The following MCUB variants were observed in gnomAD, a reference collection of about 807,000 sequenced individuals.
MCUB encodes calcium uniporter regulatory subunit MCUb, mitochondrial.
MCUB carries 46 observed loss-of-function variants against 41.4 expected under a neutral mutation model. The observed-to-expected ratio is 1.11, with a 90% confidence interval of 0.88 to 1.42. The LOEUF (loss-of-function observed/expected upper bound fraction) is 1.42. Among genes scored for constraint, MCUB ranks in the 40% most tolerant of loss-of-function variants. The pLI is 0.00. For missense variants in MCUB, 403 were observed against 404.9 expected (o/e 1.00, Z 0.04); for synonymous variants, 148 against 148.2 (o/e 1.00, Z 0.01).
At chr4:109,602,082 G>A (rs1023455906) in intron 1 of MCUB, among the ~76,000 whole-genome samples, 1 of 152,092 alleles carries the variant, frequency 6.6e-6, no homozygotes, top group Non-Finnish European at 1.5e-5. Context: ...TTTTCTCATA[G>A]AGTTGTTTGA....
intron 1 of MCUB, among the ~76,000 whole-genome samples, chr4:109,619,662 G>A (rs980449817): frequency 1.2e-4 from 19 of 152,118 alleles, no homozygotes; most frequent in African/African-American, 3.4e-4. Context: ...AGCTAAGATC[G>A]CACCACTGCA....
At chr4:109,604,247 C>T (rs959974033) in intron 1 of MCUB, among the ~76,000 whole-genome samples, 11 of 151,264 alleles carry the variant, frequency 7.3e-5, no homozygotes, top group South Asian at 4.2e-4. Flanking sequence ...ACAAACACTG[C>T]GGAAGGCCGC....
intron 1 of MCUB, among the ~76,000 whole-genome samples, chr4:109,637,320 G>A (rs76573100): frequency 0.011 from 1,706 of 152,338 alleles, 41 homozygotes; most frequent in African/African-American, 0.038. Context: ...AAGTTTGAAA[G>A]AGGCTAGTCA....
At chr4:109,622,965 C>T (rs558775129) in intron 1 of MCUB, among the ~76,000 whole-genome samples, 46 of 152,296 alleles carry the variant, frequency 3.0e-4, no homozygotes, top group African/African-American at 9.1e-4. Flanking sequence ...CATTGTGTTT[C>T]GCGCTTTTGC....
intron 1 of MCUB, among the ~76,000 whole-genome samples, chr4:109,583,289 A>C (rs1219477308): frequency 6.6e-6 from 1 of 152,120 alleles, no homozygotes; most frequent in African/African-American, 2.4e-5. Flanking sequence ...ATCCCATGTA[A>C]GTTGGATTCC....
intron 7 of MCUB, among the ~76,000 whole-genome samples, chr4:109,686,765 A>C (rs1220868365): frequency 6.6e-6 from 1 of 152,204 alleles, no homozygotes; most frequent in Non-Finnish European, 1.5e-5. Context: ...AGCCCTAGCT[A>C]CTTGGGAAGC....
chr4:109,608,484 A>AGGTTT (rs1436992629), intron 1 of MCUB, among the ~76,000 whole-genome samples: 2 of 134,674 alleles, frequency 1.5e-5, no homozygotes, highest in Middle Eastern at 3.7e-3. Flanking sequence ...TTGAAAAGTT[A>AGGTTT]GGTTTTGTTT....
chr4:109,576,518 CTTTT>C (rs34834019), intron 1 of MCUB, among the ~76,000 whole-genome samples: 8 of 131,742 alleles, frequency 6.1e-5, no homozygotes, highest in Non-Finnish European at 8.0e-5. Flanking sequence ...TAACATTTGC[CTTTT>C]TTTTTTTTTT....
chr4:109,648,694 ATT>A (rs34522361), intron 1 of MCUB: 5,446 of 234,470 alleles, frequency 0.023, no homozygotes, highest in Middle Eastern at 0.04. Context: ...TAGCAGTTTG[ATT>A]TTTTTTTTTT....
rs542643195 is a variant in MCUB at position 109,569,801 on chromosome 4, C to A, written c.99+9365C>A. On this transcript the variant is annotated intron_variant, in intron 1 of 7. Transcript: ENST00000394650. ...TACAGGTGTGAGCCACCGCTCCTGG[C>A]CAGGTCTCTGTGTTACAGCAGCTCT... 3.9e-5 allele frequency among the ~76,000 whole-genome samples: 6 copies of A among 152,256 alleles called. No homozygotes were observed. In the South Asian group the frequency reaches 1.2e-3, roughly 32 times the overall value.
chr4:109,565,510 A>G (rs1016629190), intron 1 of MCUB, among the ~76,000 whole-genome samples: 4 of 152,236 alleles, frequency 2.6e-5, no homozygotes, highest in Non-Finnish European at 4.4e-5. Flanking sequence ...GAAGGTTCCT[A>G]TGCCACAAAG....
intron 1 of MCUB, among the ~76,000 whole-genome samples, chr4:109,620,919 G>A (rs1419881691): frequency 1.3e-5 from 2 of 149,490 alleles, no homozygotes; most frequent in Non-Finnish European, 3.0e-5. Flanking sequence ...TTTCCCCCAA[G>A]ATGGAGTCTC....
At chr4:109,637,952 A>G (rs1728631323) in intron 1 of MCUB, among the ~76,000 whole-genome samples, 1 of 152,246 alleles carries the variant, frequency 6.6e-6, no homozygotes, top group African/African-American at 2.4e-5. Flanking sequence ...GGCATACCTC[A>G]GAGATATTGC....
rs755958779 is a variant in MCUB at position 109,684,603 on chromosome 4, C to T, written c.773C>T (p.Ala258Val). 3 of 1,593,824 alleles carry T rather than the reference C, an allele frequency of 1.9e-6. No individual in the cohort carries two copies. The highest frequency in any genetic ancestry group is 1.7e-4 in the Middle Eastern group (1 of 5,930). ...MEPVTYFITF[A>V]NSMVFFAYFI... ...CCAGTTACATACTTCATCACATTTG[C>T]AAATTCTATGGTCTTTTTTGCATAC... Residue 258 changes from alanine to valine, a missense_variant, in exon 6 of 8, where the codon GCA becomes GTA. Ala to Val is a moderately conservative substitution (Grantham distance 64). Transcript: ENST00000394650.
intron 1 of MCUB, among the ~76,000 whole-genome samples, chr4:109,567,882 A>G (rs144347910): frequency 0.018 from 2,686 of 152,112 alleles, 90 homozygotes; most frequent in African/African-American, 0.062. Flanking sequence ...TATTTTTAGT[A>G]GAGACAGGGT....
At position 109,659,020 on chromosome 4, in the gene MCUB, G is replaced by T. The variant is rs761602665; in HGVS notation, c.109G>T (p.Val37Leu). ...TTTTTCCTTCTTGTAGGTTTTGCGT[G>T]TGAAGCTGTGTGGAAATGTGAAATA... ...PLPPPPQVLRVKLCGNVKYYQ... is the reference protein window; with the variant it reads ...PLPPPPQVLRLKLCGNVKYYQ... The change falls in exon 2 of 8, where the codon GTG becomes TTG. Residue 37 changes from valine to leucine, a missense_variant. Physicochemically the swap from Val to Leu is conservative, Grantham distance 32. Coordinates refer to ENST00000394650, the MANE Select transcript of MCUB (RefSeq NM_017918.5). 3.9e-6 allele frequency: 6 copies of T among 1,533,250 alleles called. No homozygotes were observed. The highest frequency in any genetic ancestry group is 3.5e-6 in the Non-Finnish European group (4 of 1,130,532). The allele number at this position is 1,533,250 out of a possible 1,614,324, so 95.0% of individuals were successfully genotyped here.
At chr4:109,633,633 A>G (rs1413915968) in intron 1 of MCUB, among the ~76,000 whole-genome samples, 10 of 152,196 alleles carry the variant, frequency 6.6e-5, no homozygotes, top group Non-Finnish European at 1.5e-4. Context: ...GAATAAATGT[A>G]AAGCATTTTA....
Position 109,684,442 on chromosome 4 carries a change from G to A in MCUB, c.613-1G>A, listed in dbSNP as rs1326861580. ...ATTAACAGTTTTTCATTCCCCCTCA[G>A]GTGAAAGCTGGAATAGAAGCTCATT... On this transcript the variant is annotated splice_acceptor_variant, in intron 5 of 7. Transcript: ENST00000394650. LOFTEE classifies it high-confidence loss of function. 1 of 1,606,440 alleles carries A rather than the reference G, an allele frequency of 6.2e-7. No homozygotes were observed.
chr4:109,658,067 ATCC>A (rs1379113918), intron 1 of MCUB, among the ~76,000 whole-genome samples: 1 of 152,174 alleles, frequency 6.6e-6, no homozygotes, highest in Non-Finnish European at 1.5e-5. Context: ...AGCTCAAGCA[ATCC>A]TCCTGCTTCG....
Sources: gnomAD v4.1 joint callset for allele counts (sites outside exome capture counted in the v4.1 genomes callset) on GRCh38, gnomAD v4.1.1 for gene constraint, MANE v1.5 for transcripts, NCBI Gene and HGNC (gene_info 2026-07-23, HGNC 2026-07-21) for gene names.